The following RBM4 variants were observed in gnomAD, a reference collection of about 807,000 sequenced individuals.
RBM4 encodes RNA binding motif protein 4.
RBM4 carries 7 observed loss-of-function variants against 29.5 expected under a neutral mutation model. The ratio of observed to expected loss-of-function variants is 0.24; its 90% CI spans 0.14 to 0.45. The LOEUF (loss-of-function observed/expected upper bound fraction) is 0.45. Ranked by LOEUF, RBM4 falls within the 20% of genes least tolerant of loss-of-function variation. The pLI is 1.00. For missense variants in RBM4, 387 were observed against 502.3 expected (o/e 0.77, Z 2.19); for synonymous variants, 220 against 205.4 (o/e 1.07, Z -0.61).
exon 3 of RBM4, chr11:66,668,283 G>T: frequency 4.5e-6 from 1 of 223,356 alleles, no homozygotes; most frequent in Non-Finnish European, 8.9e-6. Flanking sequence ...TCGTGTAGAT[G>T]ATATACAGAG....
intron 2 of RBM4, among the ~76,000 whole-genome samples, chr11:66,661,787 T>C (rs1246049765): frequency 6.6e-6 from 1 of 152,172 alleles, no homozygotes; most frequent in Non-Finnish European, 1.5e-5. Flanking sequence ...CCCGGCACTT[T>C]GGGAAGCCGA....
chr11:66,663,163 C>T (rs760355140), intron 2 of RBM4, among the ~76,000 whole-genome samples: 2 of 152,174 alleles, frequency 1.3e-5, no homozygotes, highest in Non-Finnish European at 2.9e-5. Flanking sequence ...TAAATGTGTT[C>T]TATGGGGATC....
At chr11:66,658,663 G>A (rs983911645) in intron 2 of RBM4, among the ~76,000 whole-genome samples, 4 of 151,900 alleles carry the variant, frequency 2.6e-5, no homozygotes, top group Admixed American at 2.0e-4. Flanking sequence ...TAAGCCAGGC[G>A]CAGTGGCTCA....
At chr11:66,664,014 T>C (rs1254336513) in intron 2 of RBM4, among the ~76,000 whole-genome samples, 1 of 151,932 alleles carries the variant, frequency 6.6e-6, no homozygotes, top group Non-Finnish European at 1.5e-5. Context: ...ACCTAAATCC[T>C]TTTTTGTTGT....
At position 66,643,013 on chromosome 11, in the gene RBM4, T is replaced by C. The variant is rs1441347526; in HGVS notation, c.413-437T>C. Among the ~76,000 whole-genome samples the C allele has an allele frequency of 2.0e-5, 3 of 152,192 alleles. No homozygotes were observed. The highest frequency in any genetic ancestry group is 6.5e-5 in the Admixed American group (1 of 15,270). On this transcript the variant is annotated intron_variant, in intron 2 of 3. Coordinates refer to ENST00000310092, the MANE Select transcript of RBM4 (RefSeq NM_002896.4). This position sits in a 1 kb window ranked among gnomAD's most constrained non-coding sequence, Gnocchi z 6.1. ...CTTTTATTCGGTTCTTTTAAATTTT[T>C]TGAGGAGGGTGGAGAACTGGCCTTT...
intron 2 of RBM4, among the ~76,000 whole-genome samples, chr11:66,660,351 CTTT>C (rs56839505): frequency 4.2e-4 from 54 of 127,562 alleles, no homozygotes; most frequent in Non-Finnish European, 6.9e-4. Context: ...GGGAGTCTCT[CTTT>C]TTTTTTTTTT....
At chr11:66,665,535 C>A in intron 2 of RBM4, 1 of 1,480,276 alleles carries the variant, frequency 6.8e-7, no homozygotes, top group Non-Finnish European at 9.1e-7. Context: ...AGCAAGTTCT[C>A]ATATATGACC....
intron 1 of RBM4, chr11:66,639,196 C>T (rs959846057): frequency 1.3e-5 from 2 of 156,122 alleles, no homozygotes; most frequent in Non-Finnish European, 2.8e-5. Flanking sequence ...TCTCCCACTC[C>T]TCGCTGTCTG....
chr11:66,645,898 G>A, intron 3 of RBM4, 129 bp from the exon 4 acceptor site: 1 of 1,471,474 alleles, frequency 6.8e-7, no homozygotes, highest in Non-Finnish European at 9.1e-7. Flanking sequence ...CTGTGATACT[G>A]GGGGAGAAGG....
rs1472786062 is a variant in RBM4 at position 66,643,441 on chromosome 11, T to G, written c.413-9T>G. The G allele has an allele frequency of 6.3e-7, 1 of 1,596,192 alleles. No homozygotes were observed. Among genetic ancestry groups the G allele is most frequent in the East Asian group, 2.2e-5 (1 of 44,592 alleles). ...TGATAGCAACCCTTCTTGCGTCTGT[T>G]TCTTCAAGGCAAACGAATGCACGTG... On this transcript the variant is annotated splice_polypyrimidine_tract_variant and intron_variant, in intron 2 of 3. Coordinates refer to ENST00000310092, the MANE Select transcript of RBM4 (RefSeq NM_002896.4). This position sits in a 1 kb window ranked among gnomAD's most constrained non-coding sequence, Gnocchi z 6.1.
downstream of RBM4, among the ~76,000 whole-genome samples, chr11:66,646,760 C>T (rs1313920098): frequency 6.6e-6 from 1 of 152,142 alleles, no homozygotes; most frequent in Non-Finnish European, 1.5e-5. Flanking sequence ...CAGTCACCAC[C>T]TTCCCTTAAG....
intron 2 of RBM4, among the ~76,000 whole-genome samples, chr11:66,658,337 C>CTTTTTT (rs35133059): frequency 5.9e-5 from 3 of 50,458 alleles, no homozygotes; most frequent in South Asian, 1.5e-3. Context: ...CTAGTCTGAC[C>CTTTTTT]TTTTTTTTTT....
In RBM4 at chr11:66,666,166, C is replaced by G. The variant is rs1939225667; in HGVS notation, c.*201C>G. 7 of 780,704 alleles carry G rather than the reference C, an allele frequency of 9.0e-6. No homozygotes were observed. The East Asian group carries it at 1.3e-4, about 14-fold the overall frequency. The allele number at this position is 780,704 out of a possible 1,614,324, so 48.4% of individuals were successfully genotyped here. On this transcript the variant is annotated 3_prime_UTR_variant, in exon 3 of 3. Coordinates refer to the RBM4 transcript ENST00000396053. ...CAGTAGTTCCCCTAATTGACCAAATCTCCCTTGCCAAATCAAAAGAAATCA... is the reference window on the plus strand; with the variant it reads ...CAGTAGTTCCCCTAATTGACCAAATGTCCCTTGCCAAATCAAAAGAAATCA...
At chr11:66,640,301 TTA>T (rs1450068197) in intron 2 of RBM4, 178 bp downstream of exon 2, 10 of 817,350 alleles carry the variant, frequency 1.2e-5, no homozygotes, top group African/African-American at 1.7e-5. Context: ...GGGCTTTACC[TTA>T]GGCAAATGTC....
At chr11:66,642,113 C>T (rs1009310510) in intron 2 of RBM4, among the ~76,000 whole-genome samples, 2 of 152,248 alleles carry the variant, frequency 1.3e-5, no homozygotes, top group Non-Finnish European at 2.9e-5. Flanking sequence ...TAACCTGCAA[C>T]CTAAACTTCC....
chr11:66,660,124 A>G (rs958573878), intron 2 of RBM4, among the ~76,000 whole-genome samples: 11 of 142,310 alleles, frequency 7.7e-5, no homozygotes, highest in Non-Finnish European at 1.5e-4. Flanking sequence ...TTCCTGCCTC[A>G]GGGCCTTTTT....
downstream of RBM4, among the ~76,000 whole-genome samples, chr11:66,648,660 A>G (rs963437022): frequency 1.3e-5 from 2 of 151,938 alleles, no homozygotes; most frequent in African/African-American, 2.4e-5. Flanking sequence ...ACTGAAAAAT[A>G]TAAGTTAGCC....
intron 3 of RBM4, 99 bp downstream of exon 3, chr11:66,644,239 G>C: frequency 6.8e-7 from 1 of 1,475,442 alleles, no homozygotes; most frequent in East Asian, 2.4e-5. Context: ...TGCTTTTGCA[G>C]GGTTAGGGGA....
chr11:66,665,870 G>C (rs1403604786), exon 3 of RBM4: 2 of 1,533,390 alleles, frequency 1.3e-6, no homozygotes, highest in Non-Finnish European at 1.7e-6. Flanking sequence ...GATAACCCCT[G>C]TGACAGAAGG....
Sources: allele counts gnomAD v4.1 joint callset (sites outside exome capture counted in the v4.1 genomes callset), GRCh38; gene constraint gnomAD v4.1.1; non-coding constraint Gnocchi (gnomAD v3.1); transcripts MANE v1.5; gene names NCBI Gene and HGNC (gene_info 2026-07-23, HGNC 2026-07-21).